NME9: variants seen among roughly 807,000 people sequenced by gnomAD.
NME9 encodes the protein NME/NM23 family member 9, also known as thioredoxin domain-containing protein 6.
In NME9, 48 loss-of-function variants were observed where a neutral mutation model predicts 44.4. The ratio of observed to expected loss-of-function variants is 1.08; its 90% CI spans 0.86 to 1.37. The LOEUF (loss-of-function observed/expected upper bound fraction) is 1.37. Among genes scored for constraint, NME9 ranks in the 40% most tolerant of loss-of-function variants. NME9 has a pLI of 0.00. For missense variants in NME9, 325 were observed against 405.2 expected, an observed-to-expected ratio of 0.80 and a Z score of 1.70; for synonymous variants, 139 against 147.1, an observed-to-expected ratio of 0.94 and a Z score of 0.40.
At chr3:138,300,860 T>C (rs1424792045), downstream of NME9, 1 of 155,436 alleles carries the variant, frequency 6.4e-6, no homozygotes, top group Non-Finnish European at 1.4e-5. Context: ...TGACTGTTGG[T>C]GTGACTTGGG....
At chr3:138,303,061 T>C (rs1343429130) in intron 10 of NME9, among the ~76,000 whole-genome samples, 1 of 152,214 alleles carries the variant, frequency 6.6e-6, no homozygotes. Flanking sequence ...TTGAGGGAGA[T>C]GAAGTCACAG....
Position 138,315,560 on chromosome 3 carries a change from C to A in NME9, c.351G>T (p.Lys117Asn). 2.0e-6 allele frequency: 3 copies of A among 1,536,578 alleles called. No homozygotes were observed. The highest frequency in any genetic ancestry group is 2.6e-6 in the Non-Finnish European group (3 of 1,147,020). Residue 117 changes from lysine (K) to asparagine (N), a missense_variant, in exon 5 of 11, where the codon AAG (lysine) becomes AAT (asparagine). Transcript: ENST00000333911. ...GTTCTCTGCCTTCAGCCAGCACTTTCTTTTCGGCCTCCAGCTGGTCTAGGA... is the reference window on the plus strand; with the variant it reads ...GTTCTCTGCCTTCAGCCAGCACTTTATTTTCGGCCTCCAGCTGGTCTAGGA... ...KTILDQLEAEKKVLAEGRERK... is the reference protein window; with the variant it reads ...KTILDQLEAENKVLAEGRERK...
intron 8 of NME9, among the ~76,000 whole-genome samples, chr3:138,290,144 G>A (rs1195530295): frequency 1.3e-5 from 2 of 152,182 alleles, no homozygotes; most frequent in Non-Finnish European, 2.9e-5. Flanking sequence ...CAATAGAAAG[G>A]GGAAGATAAG....
chr3:138,317,191 C>T (rs1325276175), intron 4 of NME9, among the ~76,000 whole-genome samples: 2 of 152,234 alleles, frequency 1.3e-5, no homozygotes, highest in Non-Finnish European at 2.9e-5. Flanking sequence ...TCCTACTTCT[C>T]CCTCCTTTCC....
chr3:138,302,022 G>A (rs2051884336), intron 10 of NME9, among the ~76,000 whole-genome samples: 1 of 152,138 alleles, frequency 6.6e-6, no homozygotes, highest in Non-Finnish European at 1.5e-5. Context: ...CACAGATGAG[G>A]AAACTGAGGC....
intron 8 of NME9, among the ~76,000 whole-genome samples, chr3:138,269,682 G>A (rs183602212): frequency 1.4e-4 from 21 of 152,300 alleles, no homozygotes; most frequent in African/African-American, 3.4e-4. Context: ...GAGTCTCAGC[G>A]AAAGATGAGA....
intron 6 of NME9, among the ~76,000 whole-genome samples, chr3:138,311,969 C>A (rs2052734171): frequency 6.6e-6 from 1 of 152,074 alleles, no homozygotes; most frequent in Non-Finnish European, 1.5e-5. Context: ...ATACCAACAG[C>A]AAACAATCTG....
chr3:138,317,707 A>AG (rs2053182494), intron 4 of NME9, among the ~76,000 whole-genome samples: 1 of 152,226 alleles, frequency 6.6e-6, no homozygotes, highest in African/African-American at 2.4e-5. Context: ...CCCTTTACGG[A>AG]GCAAAGGATA....
intron 8 of NME9, chr3:138,262,643 T>A: frequency 6.7e-7 from 1 of 1,492,904 alleles, no homozygotes; most frequent in Non-Finnish European, 8.9e-7. Context: ...CCCTGGAGAA[T>A]CTAATTTAAT....
At chr3:138,278,452 C>T (rs1295551620) in intron 8 of NME9, among the ~76,000 whole-genome samples, 4 of 151,130 alleles carry the variant, frequency 2.6e-5, no homozygotes, top group African/African-American at 7.3e-5. Flanking sequence ...TGCAGTAAGC[C>T]GAGATCACAC....
At chr3:138,314,927 A>T (rs892728362) in intron 5 of NME9, among the ~76,000 whole-genome samples, 2 of 152,246 alleles carry the variant, frequency 1.3e-5, no homozygotes, top group South Asian at 4.1e-4. Flanking sequence ...GTGTTGAGTC[A>T]CATTTGCCAG....
intron 1 of NME9, among the ~76,000 whole-genome samples, chr3:138,328,908 A>G (rs1259789638): frequency 6.6e-6 from 1 of 152,238 alleles, no homozygotes; most frequent in African/African-American, 2.4e-5. Flanking sequence ...CCCAAAGTCA[A>G]AAGAACCTAT....
chr3:138,289,576 AAGG>A (rs1168766871), intron 8 of NME9, among the ~76,000 whole-genome samples: 1 of 152,178 alleles, frequency 6.6e-6, no homozygotes, highest in Non-Finnish European at 1.5e-5. Context: ...GCTAGTCTGT[AAGG>A]AGGCCTGTAT....
At chr3:138,271,798 CTTTT>C (rs776320900) in intron 8 of NME9, among the ~76,000 whole-genome samples, 3 of 136,114 alleles carry the variant, frequency 2.2e-5, no homozygotes, top group Admixed American at 7.3e-5. Flanking sequence ...TTTTTTCTTT[CTTTT>C]TTTTTTTTTT....
At chr3:138,288,975 A>T in intron 8 of NME9, 1 of 1,239,350 alleles carries the variant, frequency 8.1e-7, no homozygotes, top group Non-Finnish European at 1.2e-6. Context: ...TGGCTATGGT[A>T]GGTCCCCCCA....
intron 8 of NME9, chr3:138,267,381 G>T: frequency 1.0e-5 from 5 of 501,950 alleles, no homozygotes; most frequent in South Asian, 3.6e-5. Context: ...TAGCGGTAGG[G>T]GTGTGCAAAT....
intron 1 of NME9, among the ~76,000 whole-genome samples, chr3:138,326,255 A>T (rs747987603): frequency 6.6e-6 from 1 of 152,210 alleles, no homozygotes. Flanking sequence ...ACTCCCTAGC[A>T]GATGAGACAC....
chr3:138,307,883 A>G lies in NME9; in HGVS notation c.461-1403T>C, dbSNP rs574039448. On this transcript the variant is annotated intron_variant, in intron 6 of 10. Transcript: ENST00000333911. ...TCATCCCATTCTGCAGAAAAATCCC[A>G]TAAGATATGAACTGGTAACTACCTG... 4.3e-4 allele frequency among the ~76,000 whole-genome samples: 66 copies of G among 152,346 alleles called. 1 individual carries two copies. The South Asian group carries it at 0.011, about 26-fold the overall frequency.
intron 2 of NME9, among the ~76,000 whole-genome samples, chr3:138,322,621 T>C (rs1449535848): frequency 6.6e-6 from 1 of 152,106 alleles, no homozygotes; most frequent in Non-Finnish European, 1.5e-5. Context: ...GGTGGTTCAC[T>C]TTGGAAGAAA....
Sources: allele counts gnomAD v4.1 joint callset (sites outside exome capture counted in the v4.1 genomes callset), GRCh38; gene constraint gnomAD v4.1.1; transcripts MANE v1.5; gene names NCBI Gene and HGNC (gene_info 2026-07-23, HGNC 2026-07-21).